Variants in ABL1 observed in about 807,000 individuals in gnomAD.
ABL1 encodes the protein ABL proto-oncogene 1, non-receptor tyrosine kinase.
Under a neutral mutation model 94.7 loss-of-function variants are expected in ABL1, and 11 were observed. The ratio of observed to expected loss-of-function variants is 0.12; its 90% CI spans 0.07 to 0.19. The LOEUF is 0.19. Among genes scored for constraint, ABL1 ranks in the 10% least tolerant of loss-of-function variants. ABL1 has a pLI of 1.00. For synonymous variants in ABL1, 656 were observed against 622.4 expected (o/e 1.05, Z -0.80); for missense variants, 1,082 against 1,489.4 (o/e 0.73, Z 4.50).
intron 7 of ABL1, among the ~76,000 whole-genome samples, chr9:130,875,781 C>T (rs1447805670): frequency 2.0e-5 from 3 of 151,902 alleles, no homozygotes; most frequent in Non-Finnish European, 4.4e-5. Context: ...ATACAAAATG[C>T]TTCATTTATT....
At chr9:130,716,072 CTTTTTTTTTTTTTTTTTTT>C (rs71389339) in intron 1 of ABL1, among the ~76,000 whole-genome samples, 21 of 91,180 alleles carry the variant, frequency 2.3e-4, no homozygotes, top group Admixed American at 1.4e-3. Flanking sequence ...GAAAAATGTC[CTTTTTTTTTTTTTTTTTTT>C]TTTTTTTTTT....
intron 1 of ABL1, among the ~76,000 whole-genome samples, chr9:130,780,278 C>G (rs1210964873): frequency 1.3e-5 from 2 of 152,144 alleles, no homozygotes; most frequent in Non-Finnish European, 1.5e-5. Flanking sequence ...CAGAGTGAGA[C>G]TCAGTCTCAA....
chr9:130,831,779 T>A (rs145146352), upstream of ABL1, among the ~76,000 whole-genome samples: 1,691 of 152,130 alleles, frequency 0.011, 11 homozygotes, highest in Non-Finnish European at 0.017. Context: ...TGGCTAATTT[T>A]TGTATTTTTA....
intron 10 of ABL1, among the ~76,000 whole-genome samples, chr9:130,883,155 T>A (rs909671602): frequency 6.6e-6 from 1 of 152,116 alleles, no homozygotes; most frequent in Admixed American, 6.5e-5. Context: ...GTGAAGCACG[T>A]GTCACGCTTC....
intron 1 of ABL1, among the ~76,000 whole-genome samples, chr9:130,849,285 G>C (rs1205832018): frequency 6.6e-6 from 1 of 152,112 alleles, no homozygotes; most frequent in East Asian, 1.9e-4. Context: ...TGATCACTTA[G>C]GATAAATTCC....
At chr9:130,860,897 A>T (rs1831060727) in intron 3 of ABL1, among the ~76,000 whole-genome samples, 1 of 152,174 alleles carries the variant, frequency 6.6e-6, no homozygotes, top group African/African-American at 2.4e-5. Context: ...CTTTGTGTGC[A>T]GCACTTGTGT....
intron 3 of ABL1, among the ~76,000 whole-genome samples, chr9:130,860,684 G>A (rs1170941996): frequency 1.3e-5 from 2 of 152,228 alleles, no homozygotes; most frequent in African/African-American, 4.8e-5. Flanking sequence ...CAAGATGGGA[G>A]TGGTGCTCTG....
intron 3 of ABL1, among the ~76,000 whole-genome samples, chr9:130,856,349 A>T (rs1165459016): frequency 6.6e-6 from 1 of 151,978 alleles, no homozygotes; most frequent in Non-Finnish European, 1.5e-5. Context: ...CAGCATCCCA[A>T]AGTGCTGGGA....
chr9:130,756,517 A>G (rs1220347206), intron 1 of ABL1, among the ~76,000 whole-genome samples: 1 of 152,106 alleles, frequency 6.6e-6, no homozygotes, highest in East Asian at 1.9e-4. Context: ...GCGTTGCTAT[A>G]TTCCAAGCCA....
At chr9:130,716,642 T>G (rs903762346) in intron 1 of ABL1, among the ~76,000 whole-genome samples, 1 of 152,174 alleles carries the variant, frequency 6.6e-6, no homozygotes, top group African/African-American at 2.4e-5. Flanking sequence ...ACTATGGTTA[T>G]TCAGACTAAA....
intron 1 of ABL1, among the ~76,000 whole-genome samples, chr9:130,716,684 A>G (rs564412458): frequency 5.3e-5 from 8 of 152,312 alleles, no homozygotes; most frequent in African/African-American, 1.9e-4. Context: ...AAAGAAAACA[A>G]CAGGTAGCAT....
chr9:130,860,171 A>G (rs780825283), intron 3 of ABL1, among the ~76,000 whole-genome samples: 3 of 152,092 alleles, frequency 2.0e-5, no homozygotes, highest in African/African-American at 4.8e-5. Flanking sequence ...CAGTTCCCCA[A>G]CAAGTGCTGC....
chr9:130,762,266 T>G (rs1832126137), intron 1 of ABL1, among the ~76,000 whole-genome samples: 1 of 152,188 alleles, frequency 6.6e-6, no homozygotes, highest in Non-Finnish European at 1.5e-5. Context: ...GTAGCCACTC[T>G]TGTCTGAAGG....
chr9:130,850,443 T>C (rs6597643), intron 1 of ABL1, among the ~76,000 whole-genome samples: 34,191 of 152,072 alleles, frequency 0.22, 5,378 homozygotes, highest in African/African-American at 0.45. Flanking sequence ...TGAGATGATA[T>C]ATTCATTATA....
At chr9:130,882,217 G>T (rs1049399434) in intron 10 of ABL1, among the ~76,000 whole-genome samples, 2 of 152,056 alleles carry the variant, frequency 1.3e-5, no homozygotes, top group African/African-American at 2.4e-5. Flanking sequence ...GTTCATTTAC[G>T]CCCGTCAGTT....
At chr9:130,716,013 TAA>T (rs1255507472) in intron 1 of ABL1, among the ~76,000 whole-genome samples, 1 of 140,154 alleles carries the variant, frequency 7.1e-6, no homozygotes, top group Non-Finnish European at 1.6e-5. Flanking sequence ...TTAAACAAAC[TAA>T]ATATATATAT....
At chr9:130,813,680 T>G (rs1249591715) in intron 1 of ABL1, among the ~76,000 whole-genome samples, 8 of 151,914 alleles carry the variant, frequency 5.3e-5, no homozygotes, top group Non-Finnish European at 1.2e-4. Flanking sequence ...ATAACATAAT[T>G]TTAAGTAAAT....
intron 1 of ABL1, among the ~76,000 whole-genome samples, chr9:130,819,426 C>G (rs1416239311): frequency 2.6e-5 from 4 of 151,816 alleles, no homozygotes; most frequent in Non-Finnish European, 5.9e-5. Flanking sequence ...ACAGCTGCCT[C>G]TCTAATGTTC....
chr9:130,794,312 T>A (rs1564291659), intron 1 of ABL1, among the ~76,000 whole-genome samples: 1 of 150,436 alleles, frequency 6.6e-6, no homozygotes, highest in Non-Finnish European at 1.5e-5. Flanking sequence ...ATTTTTCATT[T>A]TTTATTTATT....
Sources: gnomAD v4.1 joint callset for allele counts (sites outside exome capture counted in the v4.1 genomes callset) on GRCh38, gnomAD v4.1.1 for gene constraint, MANE v1.5 for transcripts, NCBI Gene and HGNC (gene_info 2026-07-23, HGNC 2026-07-21) for gene names.